GABBR2: variants seen among roughly 807,000 people sequenced by gnomAD.
GABBR2 encodes the protein gamma-aminobutyric acid type B receptor subunit 2.
In GABBR2, 23 loss-of-function variants were observed where a neutral mutation model predicts 105.6. The observed-to-expected ratio is 0.22, with a 90% confidence interval of 0.16 to 0.31. The LOEUF (loss-of-function observed/expected upper bound fraction) is 0.31. Ranked by LOEUF, GABBR2 falls within the 10% of genes least tolerant of loss-of-function variation. The probability of loss-of-function intolerance (pLI) is 1.00; values close to 1 mark genes in which losing one functional copy is unlikely to be tolerated. For missense variants in GABBR2, 734 were observed against 1,245.5 expected (o/e 0.59, Z 6.18); for synonymous variants, 478 against 499.7 (o/e 0.96, Z 0.58).
chr9:98,329,811 GCTCCTCTCTCCCTTCCCTCCCCATCT>G (rs1466727770), intron 13 of GABBR2, among the ~76,000 whole-genome samples: 2 of 151,542 alleles, frequency 1.3e-5, no homozygotes, highest in Non-Finnish European at 2.9e-5. Flanking sequence ...TGCCATATCT[GCTCCTCTCTCCCTTCCCTCCCCATCT>G]CTCCTCTCCT....
intron 1 of GABBR2, among the ~76,000 whole-genome samples, chr9:98,669,010 G>T (rs1830373695): frequency 6.6e-6 from 1 of 152,014 alleles, no homozygotes; most frequent in African/African-American, 2.4e-5. Context: ...ATGAACATTG[G>T]TGTACAGATA....
chr9:98,511,468 C>G (rs1316437954), intron 3 of GABBR2, among the ~76,000 whole-genome samples: 1 of 10,606 alleles, frequency 9.4e-5, no homozygotes, highest in Admixed American at 3.7e-4. Context: ...AATCCAGGAG[C>G]TGGTTTTTTT....
intron 1 of GABBR2, among the ~76,000 whole-genome samples, chr9:98,647,229 T>C (rs781093331): frequency 2.0e-5 from 3 of 152,336 alleles, no homozygotes; most frequent in East Asian, 1.9e-4. Context: ...TGCCCATCAC[T>C]GGGAATGACA....
chr9:98,421,383 G>C (rs536933732), intron 7 of GABBR2, among the ~76,000 whole-genome samples: 42 of 152,220 alleles, frequency 2.8e-4, no homozygotes, highest in African/African-American at 9.9e-4. Context: ...TTATTCCAAG[G>C]TTTCAGAAGC....
intron 1 of GABBR2, among the ~76,000 whole-genome samples, chr9:98,641,031 G>C (rs1829953540): frequency 1.3e-5 from 2 of 152,138 alleles, no homozygotes; most frequent in Non-Finnish European, 2.9e-5. Flanking sequence ...TTACTGAAAT[G>C]CACATACCTG....
intron 7 of GABBR2, among the ~76,000 whole-genome samples, chr9:98,413,024 G>GTA (rs1308577869): frequency 2.0e-5 from 3 of 152,190 alleles, no homozygotes; most frequent in African/African-American, 7.2e-5. Context: ...AGGCTCCCAT[G>GTA]TATATATATT....
chr9:98,363,793 C>A (rs910595253), intron 12 of GABBR2, among the ~76,000 whole-genome samples: 3 of 152,152 alleles, frequency 2.0e-5, no homozygotes, highest in African/African-American at 7.2e-5. Flanking sequence ...CTGTGAGACT[C>A]CTACCCCACT....
At chr9:98,564,659 T>C (rs142134602) in intron 2 of GABBR2, among the ~76,000 whole-genome samples, 48 of 152,296 alleles carry the variant, frequency 3.2e-4, no homozygotes, top group African/African-American at 1.1e-3. Context: ...ATGTGACAAA[T>C]TAGTTTTTTA....
chr9:98,492,606 A>G (rs1045265925), intron 4 of GABBR2, among the ~76,000 whole-genome samples: 14 of 152,074 alleles, frequency 9.2e-5, no homozygotes, highest in African/African-American at 3.4e-4. Context: ...AATATACCAC[A>G]TTATATTCAA....
chr9:98,542,117 A>G lies in GABBR2; in HGVS notation c.460-74T>C, dbSNP rs1041204116. 6.3e-6 allele frequency: 8 copies of G among 1,270,338 alleles called. No homozygotes were observed. In the Admixed American group the frequency reaches 1.5e-4, roughly 24 times the overall value. 78.7% of individuals were successfully genotyped at this position (1,270,338 alleles called of 1,614,324 possible). On this transcript the variant is annotated intron_variant, in intron 2 of 18. Transcript: ENST00000259455. ...TGTGACCCAGCATCTTTCCTACTGG[A>G]ATAGAGACTGTTAGCTTCAACTTAG...
intron 1 of GABBR2, among the ~76,000 whole-genome samples, chr9:98,682,560 G>C (rs1406739999): frequency 6.6e-6 from 1 of 151,752 alleles, no homozygotes; most frequent in African/African-American, 2.4e-5. Flanking sequence ...ATTTTTAGTA[G>C]AGACATGGTT....
intron 1 of GABBR2, among the ~76,000 whole-genome samples, chr9:98,603,664 A>G (rs947679370): frequency 3.9e-5 from 6 of 152,214 alleles, no homozygotes; most frequent in Admixed American, 1.3e-4. Context: ...AAAGACACAA[A>G]GATGTGATTT....
At chr9:98,701,083 C>G (rs1017605706) in intron 1 of GABBR2, among the ~76,000 whole-genome samples, 1 of 152,174 alleles carries the variant, frequency 6.6e-6, no homozygotes, top group African/African-American at 2.4e-5. Flanking sequence ...CCTGTTGGAT[C>G]GTTATCTTGT....
At chr9:98,630,265 C>T (rs1353650167) in intron 1 of GABBR2, among the ~76,000 whole-genome samples, 1 of 152,182 alleles carries the variant, frequency 6.6e-6, no homozygotes, top group Non-Finnish European at 1.5e-5. Flanking sequence ...ACTTAAATCC[C>T]CCTGGCACTA....
chr9:98,465,870 T>G (rs1384757366), intron 6 of GABBR2, among the ~76,000 whole-genome samples: 2 of 152,230 alleles, frequency 1.3e-5, no homozygotes, highest in African/African-American at 2.4e-5. Flanking sequence ...GCATTTGTGT[T>G]CCTGCCCAAA....
chr9:98,641,007 A>G (rs1021219209), intron 1 of GABBR2, among the ~76,000 whole-genome samples: 2 of 152,208 alleles, frequency 1.3e-5, no homozygotes. Flanking sequence ...ACACGTAAGA[A>G]AAGCCTGGAG....
At chr9:98,664,162 G>A (rs1025742955) in intron 1 of GABBR2, among the ~76,000 whole-genome samples, 7 of 152,308 alleles carry the variant, frequency 4.6e-5, no homozygotes, top group South Asian at 2.1e-4. Flanking sequence ...GAGCAAGGCC[G>A]AGCAGAAGCT....
intron 13 of GABBR2, among the ~76,000 whole-genome samples, chr9:98,311,460 T>A (rs1316440215): frequency 6.6e-6 from 1 of 152,202 alleles, no homozygotes; most frequent in Non-Finnish European, 1.5e-5. Context: ...CCAATTTGAG[T>A]CAGAGCTCCT....
chr9:98,503,221 CG>C (rs2131681895), intron 3 of GABBR2, among the ~76,000 whole-genome samples: 1 of 152,122 alleles, frequency 6.6e-6, no homozygotes, highest in East Asian at 1.9e-4. Flanking sequence ...CTTCCTGTGA[CG>C]GGAGGGAGCT....
Sources: allele counts gnomAD v4.1 joint callset (sites outside exome capture counted in the v4.1 genomes callset), GRCh38; gene constraint gnomAD v4.1.1; transcripts MANE v1.5; gene names NCBI Gene and HGNC (gene_info 2026-07-23, HGNC 2026-07-21).